The following FMN2 variants were observed in gnomAD, a reference collection of about 807,000 sequenced individuals.
FMN2 encodes formin-2.
Under a neutral mutation model 142.3 loss-of-function variants are expected in FMN2, and 51 were observed. The observed-to-expected ratio is 0.36, with a 90% CI of 0.29 to 0.45. The LOEUF (loss-of-function observed/expected upper bound fraction) is 0.45. FMN2 is among the 20% of genes least tolerant of loss of function. FMN2 has a pLI of 1.00. For missense variants in FMN2, 1,936 were observed against 2,122.8 expected (o/e 0.91, Z 1.73); for synonymous variants, 882 against 869.8 (o/e 1.01, Z -0.25).
chr1:240,447,073 A>G (rs963086245), intron 16 of FMN2, among the ~76,000 whole-genome samples: 1 of 152,230 alleles, frequency 6.6e-6, no homozygotes, highest in Non-Finnish European at 1.5e-5. Context: ...TCCCTACGGC[A>G]GGGTTGAAGC....
chr1:240,342,784 A>G (rs1671784376), intron 13 of FMN2, among the ~76,000 whole-genome samples: 1 of 152,218 alleles, frequency 6.6e-6, no homozygotes, highest in Non-Finnish European at 1.5e-5. Context: ...TTAACAGAAA[A>G]TAAAAAGTAG....
At chr1:240,099,440 G>T (rs1661337731) in intron 1 of FMN2, among the ~76,000 whole-genome samples, 1 of 151,898 alleles carries the variant, frequency 6.6e-6, no homozygotes, top group Middle Eastern at 3.4e-3. Flanking sequence ...ATGGGGTGTG[G>T]CTGTAAGATT....
intron 6 of FMN2, among the ~76,000 whole-genome samples, chr1:240,211,558 T>C (rs1666693647): frequency 6.6e-6 from 1 of 152,208 alleles, no homozygotes; most frequent in Admixed American, 6.5e-5. Context: ...ATCTGAGTGC[T>C]CCTATGGATG....
chr1:240,453,116 C>G (rs1157921550), intron 16 of FMN2, among the ~76,000 whole-genome samples: 1 of 152,146 alleles, frequency 6.6e-6, no homozygotes, highest in African/African-American at 2.4e-5. Context: ...AAAGGAGACA[C>G]AGAGTATAAA....
Position 240,271,787 on chromosome 1 carries a change from A to G in FMN2, c.4153+13755A>G, listed in dbSNP as rs184614178. Among the ~76,000 whole-genome samples the G allele has an allele frequency of 9.9e-5, 15 of 152,240 alleles. No homozygotes were observed. In the East Asian group the frequency reaches 1.2e-3, roughly 12 times the overall value. ...AATATGAGAATTTGTTTTAATTTAAAATATAAGTTCATTACCTAGAGCTTT... is the reference window on the plus strand; with the variant it reads ...AATATGAGAATTTGTTTTAATTTAAGATATAAGTTCATTACCTAGAGCTTT... On this transcript the variant is annotated intron_variant, in intron 7 of 17. Coordinates refer to ENST00000319653, the MANE Select transcript of FMN2 (RefSeq NM_020066.5).
At chr1:240,226,000 C>A (rs1667284788) in intron 6 of FMN2, among the ~76,000 whole-genome samples, 1 of 151,904 alleles carries the variant, frequency 6.6e-6, no homozygotes, top group Non-Finnish European at 1.5e-5. Flanking sequence ...ATGGCACAAT[C>A]TGAAGAACAT....
chr1:240,126,714 A>G (rs1662523170), intron 2 of FMN2, among the ~76,000 whole-genome samples: 1 of 152,192 alleles, frequency 6.6e-6, no homozygotes, highest in African/African-American at 2.4e-5. Context: ...GATTTTTACC[A>G]AATATATTCA....
chr1:240,398,589 T>C (rs1456100197), intron 15 of FMN2, among the ~76,000 whole-genome samples: 4 of 152,210 alleles, frequency 2.6e-5, no homozygotes, highest in Non-Finnish European at 1.5e-5. Flanking sequence ...TATGAAACAT[T>C]TGACGTTTCT....
intron 1 of FMN2, among the ~76,000 whole-genome samples, chr1:240,114,029 G>T (rs1195538364): frequency 5.9e-5 from 9 of 152,232 alleles, no homozygotes; most frequent in South Asian, 4.1e-4. Context: ...CACACTCAGA[G>T]AATTACAATG....
intron 2 of FMN2, among the ~76,000 whole-genome samples, chr1:240,163,324 T>C (rs979730408): frequency 3.9e-5 from 6 of 152,226 alleles, no homozygotes; most frequent in African/African-American, 1.4e-4. Flanking sequence ...ACTATGTTTG[T>C]GGACATGTGT....
chr1:240,222,150 T>C (rs1667144296), intron 6 of FMN2, among the ~76,000 whole-genome samples: 2 of 152,230 alleles, frequency 1.3e-5, no homozygotes, highest in Admixed American at 1.3e-4. Flanking sequence ...TTAATCCATC[T>C]TGAGTTAATT....
intron 1 of FMN2, among the ~76,000 whole-genome samples, chr1:240,099,350 CT>C (rs961657139): frequency 1.1e-4 from 15 of 141,002 alleles, no homozygotes; most frequent in South Asian, 4.6e-4. Context: ...ATTATTTTTT[CT>C]TTTTTTTTTC....
chr1:240,394,735 A>G (rs1436188352), intron 15 of FMN2, among the ~76,000 whole-genome samples: 1 of 152,124 alleles, frequency 6.6e-6, no homozygotes, highest in Non-Finnish European at 1.5e-5. Flanking sequence ...TCGGAGCCCA[A>G]GACGGGTGAA....
chr1:240,271,173 G>A (rs993405121), intron 7 of FMN2, among the ~76,000 whole-genome samples: 24 of 117,298 alleles, frequency 2.0e-4, no homozygotes, highest in African/African-American at 7.7e-4. Flanking sequence ...CTTTTATCCT[G>A]TTGGGGTTGC....
intron 6 of FMN2, among the ~76,000 whole-genome samples, chr1:240,212,123 C>T (rs1448113408): frequency 6.6e-6 from 1 of 152,074 alleles, no homozygotes; most frequent in African/African-American, 2.4e-5. Flanking sequence ...TTCTCCTTGC[C>T]CAGTAGCCCC....
At chr1:240,448,718 G>A (rs1675906714) in intron 16 of FMN2, among the ~76,000 whole-genome samples, 1 of 152,146 alleles carries the variant, frequency 6.6e-6, no homozygotes, top group South Asian at 2.1e-4. Context: ...CTACTTGGGA[G>A]GCTGAGGCAG....
rs192583236 is a variant in FMN2, at chr1:240,157,382, G to A, written c.1783-20539G>A. On this transcript the variant is annotated intron_variant, in intron 2 of 17. Coordinates refer to ENST00000319653, the MANE Select transcript of FMN2 (RefSeq NM_020066.5). ...TCCTAGTCATTGCTATTAGTTTAAC[G>A]CTTTCCTTGAAATATCAGTCACTGA... is the stretch of plus-strand genomic sequence containing the variant. 1.8e-3 allele frequency among the ~76,000 whole-genome samples: 269 copies of A among 152,240 alleles called. 3 individuals carry two copies. The highest frequency in any genetic ancestry group is 6.0e-3 in the African/African-American group (251 of 41,552).
Position 240,211,197 on chromosome 1 carries a change from C to T in FMN2, c.4027C>T (p.Pro1343Ser), listed in dbSNP as rs1457711463. ...SKTAVKERKKPISDTISKTKA... is the reference protein window; with the variant it reads ...SKTAVKERKKSISDTISKTKA... Reference sequence around the variant, plus strand: ...AACTGCTGTAAAGGAGAGAAAGAAACCTATCTCTGATACTATCTCAAAGAC... The same window carrying T: ...AACTGCTGTAAAGGAGAGAAAGAAATCTATCTCTGATACTATCTCAAAGAC... The change falls in exon 6 of 18, where the codon CCT (proline) becomes TCT (serine). Residue 1343 changes from proline (P) to serine (S), a missense_variant. Physicochemically the swap from Pro to Ser is moderately conservative, Grantham distance 74. Around this residue, in one of 8 missense-constraint regions of FMN2, gnomAD observed 259 missense variants for 230.9 expected, o/e 1.12. Coordinates refer to ENST00000319653, the MANE Select transcript of FMN2 (RefSeq NM_020066.5). The T allele has an allele frequency of 6.2e-7, 1 of 1,612,078 alleles. No homozygotes were observed. Among genetic ancestry groups the T allele is most frequent in the Admixed American group, 1.7e-5 (1 of 59,928 alleles).
Position 240,329,113 on chromosome 1 carries a change from A to G in FMN2, c.4253A>G (p.His1418Arg). 5 of 1,614,166 alleles carry G rather than the reference A, an allele frequency of 3.1e-6. No homozygotes were observed. Among genetic ancestry groups the G allele is most frequent in the South Asian group, 1.1e-5 (1 of 91,090 alleles). The change falls in exon 9 of 18, where the codon CAT (histidine) becomes CGT (arginine). Residue 1418 changes from histidine to arginine, a missense_variant. His to Arg is a conservative substitution (Grantham distance 29). This residue lies in a region of FMN2 where 322 missense variants were observed against 401.6 expected (regional missense o/e 0.80). Coordinates refer to ENST00000319653, the MANE Select transcript of FMN2 (RefSeq NM_020066.5). Reference sequence around the variant, plus strand: ...GACGAACTCGAAAAAATAGAAAAGCATGGCCGATCTTCCAAAGACAAGGAA... The same window carrying G: ...GACGAACTCGAAAAAATAGAAAAGCGTGGCCGATCTTCCAAAGACAAGGAA... ...QSDELEKIEK[H>R]GRSSKDKENA...
Sources: allele counts gnomAD v4.1 joint callset (sites outside exome capture counted in the v4.1 genomes callset), GRCh38; gene constraint gnomAD v4.1.1; regional missense constraint gnomAD v4.1.1; transcripts MANE v1.5; gene names NCBI Gene and HGNC (gene_info 2026-07-23, HGNC 2026-07-21).